DSCAML1: variants seen among roughly 807,000 people sequenced by gnomAD.
DSCAML1 encodes the protein cell adhesion molecule DSCAML1.
DSCAML1 carries 38 observed loss-of-function variants against 200.5 expected under a neutral mutation model. The observed-to-expected ratio is 0.19, with a 90% confidence interval of 0.15 to 0.25. The LOEUF (loss-of-function observed/expected upper bound fraction) is 0.25. Ranked by LOEUF, DSCAML1 falls within the 10% of genes least tolerant of loss-of-function variation. The pLI is 1.00. For missense variants in DSCAML1, 2,223 were observed against 2,858.8 expected (o/e 0.78, Z 5.07); for synonymous variants, 1,215 against 1,165.0 (o/e 1.04, Z -0.87).
chr11:117,701,684 C>T (rs1466412020), intron 3 of DSCAML1, among the ~76,000 whole-genome samples: 4 of 152,134 alleles, frequency 2.6e-5, no homozygotes, highest in East Asian at 1.9e-4. Context: ...ACAAAAATGC[C>T]GTGTCAGGAC....
At chr11:117,713,024 A>T (rs1039785915) in intron 3 of DSCAML1, among the ~76,000 whole-genome samples, 1 of 152,082 alleles carries the variant, frequency 6.6e-6, no homozygotes, top group Non-Finnish European at 1.5e-5. Context: ...AGGACCTATA[A>T]AAACATGAAT....
chr11:117,742,275 T>A (rs1437513527), intron 3 of DSCAML1, among the ~76,000 whole-genome samples: 1 of 152,108 alleles, frequency 6.6e-6, no homozygotes, highest in East Asian at 1.9e-4. Context: ...CGGTGCTACC[T>A]TAGAGAGGAA....
chr11:117,585,387 C>T (rs2051120340), intron 3 of DSCAML1, among the ~76,000 whole-genome samples: 1 of 152,052 alleles, frequency 6.6e-6, no homozygotes, highest in East Asian at 1.9e-4. Context: ...GTAGCTGGGA[C>T]TACAGGCGCC....
At chr11:117,541,657 C>T (rs1016152270) in intron 3 of DSCAML1, among the ~76,000 whole-genome samples, 1 of 152,166 alleles carries the variant, frequency 6.6e-6, no homozygotes, top group African/African-American at 2.4e-5. Flanking sequence ...TTGGAGCTAA[C>T]AGAAGAGAAA....
At chr11:117,712,355 G>A (rs1828492391) in intron 3 of DSCAML1, among the ~76,000 whole-genome samples, 1 of 152,110 alleles carries the variant, frequency 6.6e-6, no homozygotes, top group Admixed American at 6.5e-5. Flanking sequence ...TGATGGGGAA[G>A]GAATCTGTAC....
chr11:117,668,584 G>A (rs1188807455), intron 3 of DSCAML1: 1 of 152,284 alleles, frequency 6.6e-6, no homozygotes, highest in African/African-American at 2.4e-5. Context: ...AGCCCAGGCA[G>A]GCACCTGTGC....
intron 3 of DSCAML1, among the ~76,000 whole-genome samples, chr11:117,720,527 G>A (rs1253977431): frequency 6.6e-6 from 1 of 152,310 alleles, no homozygotes; most frequent in South Asian, 2.1e-4. Context: ...GAGAACACGC[G>A]AATGAAGGGG....
intron 3 of DSCAML1, among the ~76,000 whole-genome samples, chr11:117,762,280 C>T (rs1301458719): frequency 5.3e-5 from 8 of 152,044 alleles, no homozygotes; most frequent in African/African-American, 1.9e-4. Flanking sequence ...CAAGTGTTTT[C>T]CCATTCATCA....
intron 3 of DSCAML1, among the ~76,000 whole-genome samples, chr11:117,599,514 T>C (rs2051425520): frequency 6.6e-6 from 1 of 152,190 alleles, no homozygotes; most frequent in Admixed American, 6.5e-5. Flanking sequence ...GAATTGTAAA[T>C]GGGTGAAAAG....
intron 3 of DSCAML1, among the ~76,000 whole-genome samples, chr11:117,597,335 C>T (rs943419017): frequency 6.6e-6 from 1 of 152,186 alleles, no homozygotes; most frequent in Non-Finnish European, 1.5e-5. Context: ...AACACCTCTG[C>T]AAGAAGCAAA....
chr11:117,739,049 C>T (rs114239782), intron 3 of DSCAML1, among the ~76,000 whole-genome samples: 10 of 152,326 alleles, frequency 6.6e-5, no homozygotes, highest in African/African-American at 2.2e-4. Flanking sequence ...ACTTGTAGGG[C>T]TTGAACACAT....
chr11:117,560,855 T>C (rs2050648708), intron 3 of DSCAML1, among the ~76,000 whole-genome samples: 2 of 152,174 alleles, frequency 1.3e-5, no homozygotes, highest in African/African-American at 4.8e-5. Flanking sequence ...AAATTAATCA[T>C]CATTGTATTG....
chr11:117,721,155 C>T (rs752434427), intron 3 of DSCAML1, among the ~76,000 whole-genome samples: 1 of 152,206 alleles, frequency 6.6e-6, no homozygotes, highest in Non-Finnish European at 1.5e-5. Flanking sequence ...ATCACAATAA[C>T]AGCTACCATG....
chr11:117,759,179 C>G (rs958694029), intron 3 of DSCAML1, among the ~76,000 whole-genome samples: 1 of 152,134 alleles, frequency 6.6e-6, no homozygotes, highest in African/African-American at 2.4e-5. Flanking sequence ...CTGTGAGTGG[C>G]GTCTATAAGA....
chr11:117,460,633 T>A (rs2048461469), intron 18 of DSCAML1, among the ~76,000 whole-genome samples: 1 of 152,172 alleles, frequency 6.6e-6, no homozygotes. Context: ...TGTACACCAG[T>A]GGGCAGGAGC....
At chr11:117,716,370 AGG>A (rs1027636222) in intron 3 of DSCAML1, among the ~76,000 whole-genome samples, 1 of 152,138 alleles carries the variant, frequency 6.6e-6, no homozygotes, top group African/African-American at 2.4e-5. Flanking sequence ...GATTCCCAGG[AGG>A]TCTGCAGGAG....
At position 117,780,468 on chromosome 11, in the gene DSCAML1, G is replaced by A; in HGVS notation, c.364+25C>T. The A allele has an allele frequency of 1.4e-6, 2 of 1,418,394 alleles. No individual in the cohort carries two copies. Among genetic ancestry groups the A allele is most frequent in the South Asian group, 1.8e-5 (1 of 55,668 alleles). 87.9% of individuals were successfully genotyped at this position (1,418,394 alleles called of 1,614,324 possible). ...GGCGCAGCCTCCTCCTGTGCCACTG[G>A]GGCAGCCAGTGTCTTGTCCCTTACC... On this transcript the variant is annotated intron_variant, in intron 2 of 32. Coordinates refer to ENST00000651296, the MANE Select transcript of DSCAML1 (RefSeq NM_020693.4). This position sits in a 1 kb window ranked among gnomAD's most constrained non-coding sequence, Gnocchi z 4.8.
intron 12 of DSCAML1, 116 bp downstream of exon 12, chr11:117,481,847 G>C (rs1192224800): frequency 8.7e-7 from 1 of 1,155,160 alleles, no homozygotes; most frequent in African/African-American, 1.5e-5. Context: ...ACATTTTTGG[G>C]GTGTGGGGAG....
chr11:117,472,883 T>C (rs1425253962), intron 14 of DSCAML1, among the ~76,000 whole-genome samples: 1 of 151,954 alleles, frequency 6.6e-6, no homozygotes, highest in East Asian at 1.9e-4. Context: ...CGGGAAGGAG[T>C]TGCAATTAAA....
Sources: allele counts gnomAD v4.1 joint callset (sites outside exome capture counted in the v4.1 genomes callset), GRCh38; gene constraint gnomAD v4.1.1; non-coding constraint Gnocchi (gnomAD v3.1); transcripts MANE v1.5; gene names NCBI Gene and HGNC (gene_info 2026-07-23, HGNC 2026-07-21).